Variants in LRRC1 observed in about 807,000 individuals in gnomAD.
LRRC1 encodes leucine-rich repeat-containing protein 1.
LRRC1 carries 28 observed loss-of-function variants against 69.9 expected under a neutral mutation model. That is an observed-to-expected ratio of 0.40 (90% CI 0.30 to 0.55). The LOEUF is 0.55. Ranked by LOEUF, LRRC1 falls within the 20% of genes least tolerant of loss-of-function variation. LRRC1 has a pLI of 0.47. For synonymous variants in LRRC1, 236 were observed against 240.2 expected (o/e 0.98, Z 0.16); for missense variants, 498 against 609.0 (o/e 0.82, Z 1.92).
At chr6:53,825,888 C>T (rs1765240834) in intron 1 of LRRC1, among the ~76,000 whole-genome samples, 1 of 151,664 alleles carries the variant, frequency 6.6e-6, no homozygotes, top group Admixed American at 6.6e-5. Context: ...TTTTTATTGC[C>T]TTCTTTTTCT....
chr6:53,871,039 T>C (rs540492696), intron 2 of LRRC1, among the ~76,000 whole-genome samples: 8 of 152,356 alleles, frequency 5.3e-5, no homozygotes, highest in African/African-American at 1.9e-4. Context: ...ATTCATCTGT[T>C]GAGGGACACT....
rs761802979 is a variant in LRRC1, at chr6:53,879,001, G to C, written c.286G>C (p.Glu96Gln). 1.2e-6 allele frequency: 2 copies of C among 1,611,358 alleles called. No individual in the cohort carries two copies. The highest frequency in any genetic ancestry group is 1.7e-6 in the Non-Finnish European group (2 of 1,178,184). ...TTTCTCTACTCCTGCAGAGATTCCT[G>C]AAATTCCAGAAAGCATTTCATTCTG... ...ELDVSRNEIP[E>Q]IPESISFCKA... Residue 96 changes from glutamate (E) to glutamine (Q), a missense_variant, in exon 3 of 14, where the codon GAA becomes CAA. Glu to Gln is a conservative substitution (Grantham distance 29). Coordinates refer to ENST00000370888, the MANE Select transcript of LRRC1 (RefSeq NM_018214.5).
At chr6:53,855,150 AG>A (rs1294569522) in intron 2 of LRRC1, among the ~76,000 whole-genome samples, 1 of 152,230 alleles carries the variant, frequency 6.6e-6, no homozygotes, top group Non-Finnish European at 1.5e-5. Flanking sequence ...GGGCAGAGGC[AG>A]GCCAAACAAA....
At chr6:53,864,684 G>A (rs1414482105) in intron 2 of LRRC1, among the ~76,000 whole-genome samples, 2 of 152,116 alleles carry the variant, frequency 1.3e-5, no homozygotes, top group Non-Finnish European at 2.9e-5. Context: ...CATGATACCC[G>A]GTACATAACA....
At position 53,876,972 on chromosome 6, in the gene LRRC1, C is replaced by A. The variant is rs188364531; in HGVS notation, c.278-2021C>A. Among the ~76,000 whole-genome samples, 741 of 152,312 alleles carry A rather than the reference C, an allele frequency of 4.9e-3. 2 individuals carry two copies. Among genetic ancestry groups the A allele is most frequent in the South Asian group, 7.0e-3 (34 of 4,826 alleles). ...AGGGATTCTGTGTGGGTGCTCCAAC[C>A]CCTCATTTCCTTTCTGTACTGCCCT... is the stretch of plus-strand genomic sequence containing the variant. On this transcript the variant is annotated intron_variant, in intron 2 of 13. Coordinates refer to ENST00000370888, the MANE Select transcript of LRRC1 (RefSeq NM_018214.5).
At chr6:53,902,332 C>T (rs181533985) in intron 8 of LRRC1, among the ~76,000 whole-genome samples, 19 of 152,208 alleles carry the variant, frequency 1.2e-4, no homozygotes, top group East Asian at 7.7e-4. Flanking sequence ...AACACCTCCA[C>T]GGAGAGAAAG....
chr6:53,921,129 G>A (rs578232579), intron 13 of LRRC1, among the ~76,000 whole-genome samples: 25 of 152,036 alleles, frequency 1.6e-4, no homozygotes, highest in Non-Finnish European at 3.2e-4. Flanking sequence ...CACCATGACC[G>A]GCTAATTTTT....
chr6:53,898,120 A>T (rs1409894743), intron 7 of LRRC1, among the ~76,000 whole-genome samples: 1 of 152,224 alleles, frequency 6.6e-6, no homozygotes, highest in Non-Finnish European at 1.5e-5. Context: ...GGAATGCCAT[A>T]TCAATGCAGG....
chr6:53,915,871 A>G (rs1250390483), intron 11 of LRRC1, among the ~76,000 whole-genome samples: 2 of 152,206 alleles, frequency 1.3e-5, no homozygotes, highest in Non-Finnish European at 2.9e-5. Context: ...TAATCTTTTA[A>G]AAAGGGCTAC....
At chr6:53,889,551 A>T (rs1213568629) in intron 4 of LRRC1, among the ~76,000 whole-genome samples, 1 of 152,198 alleles carries the variant, frequency 6.6e-6, no homozygotes, top group African/African-American at 2.4e-5. Flanking sequence ...AAACAATCAC[A>T]TATTCTATGA....
At chr6:53,851,635 T>C (rs112444892) in intron 2 of LRRC1, among the ~76,000 whole-genome samples, 4 of 152,258 alleles carry the variant, frequency 2.6e-5, no homozygotes, top group African/African-American at 9.6e-5. Context: ...CTGTTTAAAT[T>C]TGGCATCCTG....
intron 2 of LRRC1, among the ~76,000 whole-genome samples, chr6:53,852,936 C>A (rs995842918): frequency 6.6e-6 from 1 of 152,186 alleles, no homozygotes; most frequent in Admixed American, 6.5e-5. Context: ...GTATTGCTCA[C>A]AGTTCTGGAG....
intron 11 of LRRC1, 200 bp from the exon 12 acceptor site, chr6:53,919,298 A>G (rs2127443055): frequency 3.1e-6 from 1 of 317,768 alleles, no homozygotes; most frequent in Middle Eastern, 8.3e-4. Context: ...TGAGAGCAGA[A>G]AAGGGAAGCA....
In LRRC1 at chr6:53,922,452, C is replaced by G. The variant is rs376935167; in HGVS notation, c.1417-183C>G. Among the ~76,000 whole-genome samples the G allele has an allele frequency of 3.9e-5, 6 of 152,242 alleles. No individual in the cohort carries two copies. In the East Asian group the frequency reaches 7.7e-4, roughly 20 times the overall value. The stretch of plus-strand genomic sequence containing the variant: ...AGGTAAGTTACATGGAACACTTTCC[C>G]TTTTCCTTAACTACCAGTGGGCAGT... On this transcript the variant is annotated intron_variant, in intron 13 of 13. Coordinates refer to ENST00000370888, the MANE Select transcript of LRRC1 (RefSeq NM_018214.5).
rs370470085 is a variant in LRRC1, at chr6:53,922,802, C to T, written c.*9C>T. ...TGACCACTTCTGTGTAGAGTTTCACCTCCAAGTTTTACCTCCTGTGTCTTC... is the reference window on the plus strand; with the variant it reads ...TGACCACTTCTGTGTAGAGTTTCACTTCCAAGTTTTACCTCCTGTGTCTTC... On this transcript the variant is annotated 3_prime_UTR_variant, in exon 14 of 14. Coordinates refer to ENST00000370888, the MANE Select transcript of LRRC1 (RefSeq NM_018214.5). 3 of 1,610,542 alleles carry T rather than the reference C, an allele frequency of 1.9e-6. No individual in the cohort carries two copies. The highest frequency in any genetic ancestry group is 1.3e-5 in the African/African-American group (1 of 74,816).
At chr6:53,890,076 G>A (rs543896557) in intron 4 of LRRC1, among the ~76,000 whole-genome samples, 1 of 152,288 alleles carries the variant, frequency 6.6e-6, no homozygotes, top group Non-Finnish European at 1.5e-5. Flanking sequence ...AAATTCTGAG[G>A]TTCTGGGAAG....
chr6:53,816,954 A>C (rs959753238), intron 1 of LRRC1, among the ~76,000 whole-genome samples: 2 of 152,220 alleles, frequency 1.3e-5, no homozygotes, highest in African/African-American at 4.8e-5. Context: ...AGCTAAAAAC[A>C]TTCATTTCAG....
chr6:53,915,306 G>A (rs1768528763), intron 11 of LRRC1, among the ~76,000 whole-genome samples: 1 of 152,156 alleles, frequency 6.6e-6, no homozygotes, highest in African/African-American at 2.4e-5. Context: ...GTTCTCAGCT[G>A]GAATCTAGAG....
rs148588394 is a variant in LRRC1, at chr6:53,853,113, G to A, written c.277+10886G>A. ...TTTATTGTTCCATCTTCCTCTAGTT[G>A]AGTGTCTTTTATAAAGGCACTAATC... On this transcript the variant is annotated intron_variant, in intron 2 of 13. Coordinates refer to ENST00000370888, the MANE Select transcript of LRRC1 (RefSeq NM_018214.5). Among the ~76,000 whole-genome samples, 6 of 152,056 alleles carry A rather than the reference G, an allele frequency of 3.9e-5. 1 individual carries two copies. The East Asian group carries it at 1.2e-3, about 29-fold the overall frequency.
Sources: gnomAD v4.1 joint callset for allele counts (sites outside exome capture counted in the v4.1 genomes callset) on GRCh38, gnomAD v4.1.1 for gene constraint, MANE v1.5 for transcripts, NCBI Gene and HGNC (gene_info 2026-07-23, HGNC 2026-07-21) for gene names.